QTGAL: variants seen among roughly 807,000 people sequenced by gnomAD.
QTGAL encodes queuosine-tRNA galactosyltransferase.
chr17:82,971,463 G>A, the QTGAL span, among the ~76,000 whole-genome samples: 1 of 152,112 alleles, frequency 6.6e-6, no homozygotes, highest in African/African-American at 2.4e-5. Context: ...CAGCGACTGG[G>A]GCCAGCCACG....
the QTGAL span, among the ~76,000 whole-genome samples, chr17:83,018,439 T>C: frequency 6.6e-6 from 1 of 152,186 alleles, no homozygotes; most frequent in African/African-American, 2.4e-5. Flanking sequence ...CACTTCACCA[T>C]TTATAAAACA....
At chr17:82,958,683 C>G in the QTGAL span, among the ~76,000 whole-genome samples, 8 of 151,978 alleles carry the variant, frequency 5.3e-5, no homozygotes, top group African/African-American at 1.9e-4. Flanking sequence ...GGAGGTCCTG[C>G]CTGGAGTCTA....
chr17:82,984,431 G>A, the QTGAL span, among the ~76,000 whole-genome samples: 1 of 148,508 alleles, frequency 6.7e-6, no homozygotes, highest in Non-Finnish European at 1.5e-5. Context: ...ACAGGAGGAC[G>A]CAGGGAGAGG....
the QTGAL span, among the ~76,000 whole-genome samples, chr17:82,985,150 C>A: frequency 1.3e-5 from 2 of 152,264 alleles, no homozygotes; most frequent in Admixed American, 6.5e-5. Flanking sequence ...AGACAACTTT[C>A]ACCTTTCGGT....
chr17:82,978,110 G>A, the QTGAL span, among the ~76,000 whole-genome samples: 1 of 152,048 alleles, frequency 6.6e-6, no homozygotes, highest in African/African-American at 2.4e-5. This position sits in a 1 kb window ranked among gnomAD's most constrained non-coding sequence, Gnocchi z 4.8. Flanking sequence ...AAAAGCACGT[G>A]CTGTTTGTAC....
At chr17:82,952,768 G>A in the QTGAL span, among the ~76,000 whole-genome samples, 33 of 152,150 alleles carry the variant, frequency 2.2e-4, no homozygotes, top group Admixed American at 7.2e-4. Context: ...GCACCACACA[G>A]CACTTACTCT....
At chr17:83,005,447 G>A in the QTGAL span, 29 of 626,684 alleles carry the variant, frequency 4.6e-5, no homozygotes, top group Admixed American at 1.2e-4. This position sits in a 1 kb window ranked among gnomAD's most constrained non-coding sequence, Gnocchi z 5.6. Flanking sequence ...GGCCCTGGAC[G>A]CGCATCTCGG....
the QTGAL span, chr17:82,947,106 T>TG: frequency 1.3e-6 from 1 of 751,600 alleles, no homozygotes; most frequent in Non-Finnish European, 2.2e-6. Flanking sequence ...TCTGCTCCTC[T>TG]GCTAATAGCG....
the QTGAL span, chr17:82,956,749 G>A: frequency 1.3e-6 from 2 of 1,586,676 alleles, no homozygotes. This position sits in a 1 kb window ranked among gnomAD's most constrained non-coding sequence, Gnocchi z 5.7. Flanking sequence ...GCAGGATGGG[G>A]ATTCGGGGCT....
chr17:82,971,315 C>T, the QTGAL span, among the ~76,000 whole-genome samples: 11 of 152,324 alleles, frequency 7.2e-5, no homozygotes, highest in African/African-American at 2.2e-4. Context: ...ACCGTGAGGA[C>T]GGAGCAGGGA....
the QTGAL span, chr17:82,946,874 C>A: frequency 6.5e-7 from 1 of 1,547,848 alleles, no homozygotes; most frequent in Non-Finnish European, 8.7e-7. Flanking sequence ...GGTGAAAAGA[C>A]CCACCTGGGA....
the QTGAL span, among the ~76,000 whole-genome samples, chr17:82,963,464 C>T: frequency 6.6e-6 from 1 of 152,310 alleles, no homozygotes; most frequent in East Asian, 1.9e-4. Context: ...AAACTAAAAA[C>T]TGGCAACACT....
chr17:82,962,278 G>A, the QTGAL span, among the ~76,000 whole-genome samples: 1 of 152,170 alleles, frequency 6.6e-6, no homozygotes. Context: ...TTTAACCTCC[G>A]CCTCTCCAGG....
chr17:83,008,870 G>A, the QTGAL span, among the ~76,000 whole-genome samples: 8 of 152,234 alleles, frequency 5.3e-5, 1 homozygote, highest in South Asian at 4.2e-4. Flanking sequence ...GCCGCCGAAC[G>A]AGTGTGCGGG....
chr17:82,964,031 G>GGGC, the QTGAL span, among the ~76,000 whole-genome samples: 10 of 100,300 alleles, frequency 1.0e-4, no homozygotes, highest in South Asian at 4.0e-4. Flanking sequence ...CTGAGGTCGG[G>GGGC]GGGGTGGATT....
chr17:83,025,168 AGTCCACACACGGACACCGCGG>A, the QTGAL span, among the ~76,000 whole-genome samples: 36 of 100,506 alleles, frequency 3.6e-4, 4 homozygotes, highest in Middle Eastern at 5.6e-3. Flanking sequence ...GACACCGCGG[AGTCCACACACGGACACCGCGG>A]AGAGTCCACA....
At chr17:83,001,091 G>T in the QTGAL span, among the ~76,000 whole-genome samples, 2 of 152,204 alleles carry the variant, frequency 1.3e-5, no homozygotes, top group Non-Finnish European at 2.9e-5. Flanking sequence ...GGGGCCATTT[G>T]CTGTATGTCA....
At chr17:82,944,909 A>G in the QTGAL span, 1 of 152,236 alleles carries the variant, frequency 6.6e-6, no homozygotes, top group Non-Finnish European at 1.5e-5. Context: ...TCAAAGGAAC[A>G]GCAGCAAGAC....
the QTGAL span, among the ~76,000 whole-genome samples, chr17:83,040,015 A>G: frequency 0.2 from 30,800 of 152,034 alleles, 3,267 homozygotes; most frequent in Non-Finnish European, 0.24. Context: ...GAAATACGTC[A>G]TAGCTGTAAG....
Sources: gnomAD v4.1 joint callset for allele counts (sites outside exome capture counted in the v4.1 genomes callset) on GRCh38, gnomAD v4.1.1 for gene constraint, Gnocchi (gnomAD v3.1) non-coding constraint, MANE v1.5 for transcripts, NCBI Gene and HGNC (gene_info 2026-07-23, HGNC 2026-07-21) for gene names.